The following RASAL2 variants were observed in gnomAD, a reference collection of about 807,000 sequenced individuals.
RASAL2 encodes RAS protein activator like 2.
RASAL2 carries 58 observed loss-of-function variants against 128.9 expected under a neutral mutation model. That is an observed-to-expected ratio of 0.45 (90% confidence interval 0.36 to 0.56). The LOEUF (loss-of-function observed/expected upper bound fraction) is 0.56. RASAL2 is among the 20% of genes least tolerant of loss of function. The pLI is 0.00. For synonymous variants in RASAL2, 561 were observed against 580.8 expected (o/e 0.97, Z 0.49); for missense variants, 1,360 against 1,601.6 (o/e 0.85, Z 2.57).
intron 1 of RASAL2, among the ~76,000 whole-genome samples, chr1:178,227,405 A>G (rs1183309869): frequency 6.6e-6 from 1 of 152,244 alleles, no homozygotes; most frequent in African/African-American, 2.4e-5. Context: ...ACATTATGGC[A>G]GAATTGACTG....
At chr1:178,470,449 C>T (rs985339287) in intron 17 of RASAL2, among the ~76,000 whole-genome samples, 1 of 152,162 alleles carries the variant, frequency 6.6e-6, no homozygotes, top group African/African-American at 2.4e-5. Context: ...GGCAGAAGCA[C>T]CTATCCTGGA....
chr1:178,302,518 G>A (rs970847700), intron 3 of RASAL2, among the ~76,000 whole-genome samples: 1 of 152,002 alleles, frequency 6.6e-6, no homozygotes, highest in Non-Finnish European at 1.5e-5. Context: ...ACAAATGGAG[G>A]GCTAAATACC....
intron 3 of RASAL2, among the ~76,000 whole-genome samples, chr1:178,353,194 C>A (rs1670611072): frequency 6.6e-6 from 1 of 152,220 alleles, no homozygotes; most frequent in Non-Finnish European, 1.5e-5. Flanking sequence ...CAAGCTTTTA[C>A]TGTCCATTTC....
intron 1 of RASAL2, among the ~76,000 whole-genome samples, chr1:178,213,528 A>G (rs1231826691): frequency 6.6e-6 from 1 of 152,240 alleles, no homozygotes; most frequent in African/African-American, 2.4e-5. Flanking sequence ...TTAAATTATG[A>G]TACGATGAAA....
At chr1:178,164,261 G>A (rs1459757871) in intron 1 of RASAL2, among the ~76,000 whole-genome samples, 1 of 152,020 alleles carries the variant, frequency 6.6e-6, no homozygotes, top group African/African-American at 2.4e-5. Context: ...CTAGGGGCTG[G>A]TCAAAAATGC....
At position 178,474,910 on chromosome 1, in the gene RASAL2, G is replaced by A. The variant is rs1420058568; in HGVS notation, c.*1671G>A. On this transcript the variant is annotated 3_prime_UTR_variant, in exon 18 of 18. Transcript: ENST00000367649. ...TTAAAGAATTTTTTTTCTAGAAAAA[G>A]GGGATGGAAAAAAAAGGACCTGAGG... is the stretch of plus-strand genomic sequence containing the variant. The A allele has an allele frequency of 6.6e-6, 1 of 152,010 alleles. No individual in the cohort carries two copies. Among genetic ancestry groups the A allele is most frequent in the African/African-American group, 2.4e-5 (1 of 41,406 alleles). 9.4% of individuals were successfully genotyped at this position (152,010 alleles called of 1,614,324 possible).
intron 1 of RASAL2, among the ~76,000 whole-genome samples, chr1:178,168,968 T>C (rs1447238601): frequency 6.6e-6 from 1 of 152,100 alleles, no homozygotes; most frequent in Non-Finnish European, 1.5e-5. Flanking sequence ...TATGTAACAT[T>C]GAAGATGTCC....
intron 1 of RASAL2, among the ~76,000 whole-genome samples, chr1:178,119,248 G>A (rs1209812085): frequency 6.6e-6 from 1 of 152,112 alleles, no homozygotes; most frequent in African/African-American, 2.4e-5. Flanking sequence ...GAAATCTCTG[G>A]AGTGGTTCTT....
intron 2 of RASAL2, among the ~76,000 whole-genome samples, chr1:178,288,130 A>C (rs1667117037): frequency 6.6e-6 from 1 of 152,178 alleles, no homozygotes; most frequent in Non-Finnish European, 1.5e-5. Context: ...TATTCATGGA[A>C]AGTAGGCTGT....
intron 1 of RASAL2, chr1:178,194,790 T>C (rs1480525957): frequency 6.5e-6 from 1 of 153,206 alleles, no homozygotes; most frequent in African/African-American, 2.4e-5. Context: ...GAAAAGATGC[T>C]CCTCCGATGA....
chr1:178,341,524 T>C, intron 3 of RASAL2: 2 of 1,611,424 alleles, frequency 1.2e-6, no homozygotes, highest in Non-Finnish European at 1.7e-6. Context: ...GCGAGTACAG[T>C]ATACAAAGTG....
intron 4 of RASAL2, among the ~76,000 whole-genome samples, chr1:178,398,047 T>C (rs560207102): frequency 1.3e-5 from 2 of 152,162 alleles, no homozygotes; most frequent in Non-Finnish European, 2.9e-5. Context: ...TTAATATTGA[T>C]TATAAATTGA....
chr1:178,237,619 A>G (rs2102040980), intron 1 of RASAL2, among the ~76,000 whole-genome samples: 1 of 152,224 alleles, frequency 6.6e-6, no homozygotes, highest in Non-Finnish European at 1.5e-5. Context: ...TTGCATACAC[A>G]CCTTATTTAT....
chr1:178,421,307 G>C (rs972085874), intron 5 of RASAL2, among the ~76,000 whole-genome samples: 1 of 151,992 alleles, frequency 6.6e-6, no homozygotes, highest in African/African-American at 2.4e-5. Context: ...AGCTCCCTAA[G>C]GATAATATGC....
chr1:178,303,671 G>A lies in RASAL2; in HGVS notation c.457+3553G>A, dbSNP rs1221316791. On this transcript the variant is annotated intron_variant, in intron 3 of 17. Coordinates refer to ENST00000367649, the MANE Select transcript of RASAL2 (RefSeq NM_170692.4). The stretch of plus-strand genomic sequence containing the variant: ...TTAAGATTAAGAATTCTGTCAATCA[G>A]TACATCATTAAGAGAATGAAAAGGC... Among the ~76,000 whole-genome samples, 6 of 151,914 alleles carry A rather than the reference G, an allele frequency of 3.9e-5. No individual in the cohort carries two copies. In the South Asian group the frequency reaches 1.0e-3, roughly 26 times the overall value.
At chr1:178,401,031 G>A (rs1019913464) in intron 4 of RASAL2, among the ~76,000 whole-genome samples, 5 of 152,154 alleles carry the variant, frequency 3.3e-5, no homozygotes, top group African/African-American at 7.2e-5. Context: ...AATTACAGGC[G>A]TGAGCCACCC....
chr1:178,318,220 G>C (rs1472910802), intron 3 of RASAL2, among the ~76,000 whole-genome samples: 3 of 149,836 alleles, frequency 2.0e-5, no homozygotes, highest in Admixed American at 1.3e-4. Context: ...CAACTATGTG[G>C]TCAATTTTGG....
chr1:178,194,559 T>A, intron 1 of RASAL2: 1 of 154,400 alleles, frequency 6.5e-6, no homozygotes, highest in East Asian at 1.9e-4. Context: ...TGATTTTTGT[T>A]GTTGTTGTTG....
intron 4 of RASAL2, among the ~76,000 whole-genome samples, chr1:178,397,133 A>C (rs556413128): frequency 6.6e-6 from 1 of 152,194 alleles, no homozygotes; most frequent in African/African-American, 2.4e-5. Context: ...AGGAATATAC[A>C]CAAGAAAATT....
Sources: allele counts gnomAD v4.1 joint callset (sites outside exome capture counted in the v4.1 genomes callset), GRCh38; gene constraint gnomAD v4.1.1; transcripts MANE v1.5; gene names NCBI Gene and HGNC (gene_info 2026-07-23, HGNC 2026-07-21).